Variants in COL24A1 observed in about 807,000 individuals in gnomAD.
The protein encoded by COL24A1 is collagen type XXIV alpha 1 chain, also known as collagen alpha-1(XXIV) chain.
COL24A1 carries 224 observed loss-of-function variants against 253.9 expected under a neutral mutation model. That is an observed-to-expected ratio of 0.88 (90% confidence interval 0.79 to 0.99). The LOEUF (loss-of-function observed/expected upper bound fraction) is 0.99. Ranked by LOEUF, COL24A1 falls within the 50% of genes least tolerant of loss-of-function variation. COL24A1 has a pLI of 0.00. For missense variants in COL24A1, 2,131 were observed against 2,068.5 expected (o/e 1.03, Z -0.59); for synonymous variants, 685 against 673.7 (o/e 1.02, Z -0.26).
chr1:86,013,868 T>C (rs940655502), intron 19 of COL24A1, among the ~76,000 whole-genome samples: 9 of 151,858 alleles, frequency 5.9e-5, no homozygotes, highest in Non-Finnish European at 1.5e-5. Context: ...ACAAAAAACC[T>C]TATCCAAAAA....
intron 24 of COL24A1, among the ~76,000 whole-genome samples, chr1:85,948,769 A>C (rs1689600567): frequency 6.6e-6 from 1 of 151,622 alleles, no homozygotes; most frequent in Admixed American, 6.6e-5. Flanking sequence ...ACAACAAAAA[A>C]AGAAATCTTC....
At chr1:85,871,226 G>A (rs919742510) in intron 35 of COL24A1, among the ~76,000 whole-genome samples, 2 of 152,072 alleles carry the variant, frequency 1.3e-5, no homozygotes, top group African/African-American at 4.8e-5. Context: ...ACCAAAAAAA[G>A]TCCAGGACCA....
intron 24 of COL24A1, among the ~76,000 whole-genome samples, chr1:85,939,921 A>G (rs1195057754): frequency 6.9e-6 from 1 of 145,258 alleles, no homozygotes; most frequent in Non-Finnish European, 1.5e-5. Context: ...AAGTAGTAGT[A>G]TAAATAAATA....
chr1:86,079,704 T>C (rs116744184), intron 7 of COL24A1, among the ~76,000 whole-genome samples: 1,551 of 152,230 alleles, frequency 0.01, 17 homozygotes, highest in Non-Finnish European at 0.013. Context: ...CTCAACATTA[T>C]TGATCATCAA....
intron 2 of COL24A1, among the ~76,000 whole-genome samples, chr1:86,129,343 T>G (rs1165521152): frequency 1.3e-5 from 2 of 151,676 alleles, no homozygotes; most frequent in Non-Finnish European, 3.0e-5. Context: ...TCTGTCATTA[T>G]TGGTCATTTC....
At chr1:85,824,323 G>C (rs1673985487) in intron 43 of COL24A1, among the ~76,000 whole-genome samples, 1 of 152,178 alleles carries the variant, frequency 6.6e-6, no homozygotes, top group Admixed American at 6.5e-5. Flanking sequence ...CTTGATTTTG[G>C]ATTTCTGGTC....
chr1:86,089,412 T>C (rs1012838730), intron 6 of COL24A1, among the ~76,000 whole-genome samples, 185 bp from the exon 7 acceptor site: 2 of 152,230 alleles, frequency 1.3e-5, no homozygotes, highest in Non-Finnish European at 2.9e-5. Context: ...GCTTAATAAC[T>C]GAACTGTATT....
In COL24A1 at chr1:85,993,444, A is replaced by C. The variant is rs570373101; in HGVS notation, c.2311-5790T>G. Among the ~76,000 whole-genome samples, 104 of 43,760 alleles carry C rather than the reference A, an allele frequency of 2.4e-3. No homozygotes were observed. In the South Asian group the frequency reaches 0.035, roughly 15 times the overall value. The allele number at this position is 43,760 out of a possible 152,430, so 28.7% of individuals were successfully genotyped here. On this transcript the variant is annotated intron_variant, in intron 19 of 59. Transcript: ENST00000370571. ...TTATGCTAAGTGAAAGAAGCCAGAC[A>C]AAAAAAAAAGAGTACATACTATGTG...
At chr1:85,838,490 T>A in intron 43 of COL24A1, 95 bp downstream of exon 43, 2 of 1,059,730 alleles carry the variant, frequency 1.9e-6, no homozygotes, top group Non-Finnish European at 2.9e-6. Context: ...ACATAAGACA[T>A]TACTAATTAT....
In COL24A1 at chr1:85,744,751, G is replaced by A. The variant is rs1254778612; in HGVS notation, c.4587C>T (p.His1529=). The part of the protein sequence containing the change: ...KTLNYLSNLL[H]SIKNPLGTRD... ...GTGTGCCAAGAGGATTCTTGATGCT[G>A]TGCAATAAATTGCTAAGGTAGTTCA... The change falls in exon 57 of 60, where the codon CAC becomes CAT. Residue 1529 remains histidine (H), a synonymous_variant. Transcript: ENST00000370571. 6.2e-7 allele frequency: 1 copy of A among 1,608,902 alleles called. No homozygotes were observed. Among genetic ancestry groups the A allele is most frequent in the Non-Finnish European group, 8.5e-7 (1 of 1,178,352 alleles).
chr1:86,066,188 G>GATTCCTT (rs1421637436), intron 7 of COL24A1, among the ~76,000 whole-genome samples: 4 of 149,738 alleles, frequency 2.7e-5, no homozygotes, highest in Non-Finnish European at 5.9e-5. Flanking sequence ...CTGCAGACAG[G>GATTCCTT]ATTGAAATAA....
At chr1:85,983,957 A>G (rs1479567021) in intron 20 of COL24A1, among the ~76,000 whole-genome samples, 2 of 151,844 alleles carry the variant, frequency 1.3e-5, no homozygotes, top group African/African-American at 4.8e-5. Flanking sequence ...TAATGACTCT[A>G]CATACTCATG....
chr1:86,013,622 G>A (rs1223603970), intron 19 of COL24A1, among the ~76,000 whole-genome samples: 7 of 152,170 alleles, frequency 4.6e-5, no homozygotes, highest in Admixed American at 1.3e-4. Flanking sequence ...GATCACCTGA[G>A]GTCAGGAGTT....
At chr1:85,821,976 A>G (rs180965977) in intron 45 of COL24A1, among the ~76,000 whole-genome samples, 17 of 152,330 alleles carry the variant, frequency 1.1e-4, no homozygotes, top group African/African-American at 3.4e-4. Context: ...TTAGGCACTT[A>G]CTGCAAATAT....
intron 58 of COL24A1, 24 bp from the exon 59 acceptor site, chr1:85,734,988 A>C (rs1006575983): frequency 7.5e-6 from 12 of 1,604,560 alleles, no homozygotes; most frequent in African/African-American, 1.3e-5. Context: ...AATGATATGC[A>C]GGTTATAACA....
At chr1:85,850,356 TTTA>T (rs1364275009) in intron 37 of COL24A1, among the ~76,000 whole-genome samples, 1 of 152,178 alleles carries the variant, frequency 6.6e-6, no homozygotes, top group African/African-American at 2.4e-5. Flanking sequence ...TAACTTGTGG[TTTA>T]CCACTGTGCT....
Position 85,877,151 on chromosome 1 carries a change from C to A in COL24A1, c.3001G>T (p.Val1001Phe). ...EPGLRGLQGD[V>F]GPPGEMGMEG... The stretch of plus-strand genomic sequence containing the variant: ...ATGCCCATTTCTCCAGGAGGTCCAA[C>A]ATCACCTTGCAGTCCTCGCAGTCCC... Residue 1001 changes from valine to phenylalanine, a missense_variant, in exon 33 of 60, where the codon GTT (valine) becomes TTT (phenylalanine). Val to Phe is a conservative substitution (Grantham distance 50). Coordinates refer to ENST00000370571, the MANE Select transcript of COL24A1 (RefSeq NM_152890.7). The A allele has an allele frequency of 6.2e-7, 1 of 1,606,980 alleles. No individual in the cohort carries two copies. The highest frequency in any genetic ancestry group is 8.5e-7 in the Non-Finnish European group (1 of 1,176,826).
At chr1:86,030,108 A>C (rs1464350635) in intron 14 of COL24A1, 2 of 152,290 alleles carry the variant, frequency 1.3e-5, no homozygotes, top group Admixed American at 1.3e-4. Flanking sequence ...AAAGGAAACA[A>C]AAACAAAACG....
At chr1:85,831,633 T>C (rs975833635) in intron 43 of COL24A1, among the ~76,000 whole-genome samples, 1 of 152,030 alleles carries the variant, frequency 6.6e-6, no homozygotes, top group African/African-American at 2.4e-5. Flanking sequence ...CAGATAATAT[T>C]AGTGGTGGGA....
Sources: gnomAD v4.1 joint callset for allele counts (sites outside exome capture counted in the v4.1 genomes callset) on GRCh38, gnomAD v4.1.1 for gene constraint, MANE v1.5 for transcripts, NCBI Gene and HGNC (gene_info 2026-07-23, HGNC 2026-07-21) for gene names.